Variants in FHIT observed in about 807,000 individuals in gnomAD.
FHIT encodes the protein fragile histidine triad diadenosine triphosphatase.
A neutral mutation model predicts 17.9 loss-of-function variants in FHIT; 19 were observed. The ratio of observed to expected loss-of-function variants is 1.06; its 90% CI spans 0.74 to 1.56. The LOEUF (loss-of-function observed/expected upper bound fraction) is 1.56, where lower values mean the gene tolerates loss of function less well. Ranked by LOEUF, FHIT falls within the 40% of genes most tolerant of loss-of-function variation. FHIT has a pLI of 0.00. For synonymous variants in FHIT, 81 were observed against 69.7 expected, an observed-to-expected ratio of 1.16 and a Z score of -0.81; for missense variants, 248 against 189.2, an observed-to-expected ratio of 1.31 and a Z score of -1.82.
intron 4 of FHIT, among the ~76,000 whole-genome samples, chr3:60,744,934 A>T (rs186305068): frequency 6.6e-6 from 1 of 152,168 alleles, no homozygotes; most frequent in East Asian, 1.9e-4. Context: ...GAGTCAAAAC[A>T]ACCATAGTCC....
chr3:60,203,975 G>A (rs539262635), intron 5 of FHIT, among the ~76,000 whole-genome samples: 1 of 152,164 alleles, frequency 6.6e-6, no homozygotes, highest in South Asian at 2.1e-4. Flanking sequence ...AATAGTTAGT[G>A]AGTATAAAAA....
intron 2 of FHIT, among the ~76,000 whole-genome samples, chr3:61,117,182 G>A (rs927537894): frequency 5.3e-5 from 8 of 152,178 alleles, no homozygotes; most frequent in Admixed American, 1.3e-4. Context: ...AGAGTAAACT[G>A]TGCAATGACT....
rs539656677 is a variant in FHIT, at chr3:60,040,534, A to C, written c.104-26382T>G. 2.0e-5 allele frequency among the ~76,000 whole-genome samples: 3 copies of C among 152,232 alleles called. No homozygotes were observed. The East Asian group carries it at 5.8e-4, about 29-fold the overall frequency. ...CAGAGCCATAATACATTCATTTGTG[A>C]ATCTCCCCTGTCCTCCTCACACTTA... is the stretch of plus-strand genomic sequence containing the variant. On this transcript the variant is annotated intron_variant, in intron 5 of 9. Transcript: ENST00000492590.
At chr3:60,894,653 G>T (rs1171482518) in intron 3 of FHIT, among the ~76,000 whole-genome samples, 1 of 150,270 alleles carries the variant, frequency 6.7e-6, no homozygotes, top group Non-Finnish European at 1.5e-5. Context: ...AAAATTCAAA[G>T]AGCTTTTAGT....
At chr3:60,057,192 A>T (rs1273626395) in intron 5 of FHIT, among the ~76,000 whole-genome samples, 1 of 152,180 alleles carries the variant, frequency 6.6e-6, no homozygotes, top group Non-Finnish European at 1.5e-5. Flanking sequence ...ATTTCATATA[A>T]ACCTTACCAC....
intron 3 of FHIT, among the ~76,000 whole-genome samples, chr3:60,920,463 G>A (rs890857735): frequency 4.2e-4 from 64 of 152,254 alleles, no homozygotes; most frequent in African/African-American, 1.4e-3. Flanking sequence ...GGTAGAGGCA[G>A]GTGGGGTTAT....
At chr3:60,316,467 G>A (rs1709170685) in intron 5 of FHIT, among the ~76,000 whole-genome samples, 1 of 152,118 alleles carries the variant, frequency 6.6e-6, no homozygotes, top group Non-Finnish European at 1.5e-5. Context: ...TAGGACAAGT[G>A]AGTAAGCAAA....
At chr3:60,476,839 C>T (rs1234498287) in intron 5 of FHIT, among the ~76,000 whole-genome samples, 6 of 130,474 alleles carry the variant, frequency 4.6e-5, no homozygotes, top group Non-Finnish European at 6.5e-5. Context: ...CCTGGACACC[C>T]GGGGAAGGAT....
chr3:60,851,361 C>T (rs190287488), intron 3 of FHIT, among the ~76,000 whole-genome samples: 3 of 152,142 alleles, frequency 2.0e-5, no homozygotes, highest in East Asian at 3.9e-4. Flanking sequence ...ATTTACTAGG[C>T]ATATATTTTT....
chr3:60,938,791 T>A (rs570325179), intron 3 of FHIT, among the ~76,000 whole-genome samples: 1 of 152,168 alleles, frequency 6.6e-6, no homozygotes, highest in East Asian at 1.9e-4. Context: ...TCCCGTCCCC[T>A]CCAAAGAGAG....
At position 60,705,758 on chromosome 3, in the gene FHIT, A is replaced by G. The variant is rs552880798; in HGVS notation, c.-18+116161T>C. ...TTACTGAACGGAGTCTAAACATTCT[A>G]CAGCTCAGTTAAGAAGCTACACATG... On this transcript the variant is annotated intron_variant, in intron 4 of 9. Coordinates refer to ENST00000492590, the MANE Select transcript of FHIT (RefSeq NM_002012.4). 2.3e-4 allele frequency among the ~76,000 whole-genome samples: 35 copies of G among 152,314 alleles called. No homozygotes were observed. In the South Asian group the frequency reaches 6.2e-3, roughly 27 times the overall value.
intron 2 of FHIT, among the ~76,000 whole-genome samples, chr3:61,045,634 T>G (rs570257870): frequency 6.6e-6 from 1 of 152,188 alleles, no homozygotes; most frequent in South Asian, 2.1e-4. Context: ...CTGAACCAAG[T>G]GGACCTAATA....
intron 5 of FHIT, among the ~76,000 whole-genome samples, chr3:60,024,823 G>C (rs1404979038): frequency 6.6e-6 from 1 of 152,202 alleles, no homozygotes; most frequent in African/African-American, 2.4e-5. Context: ...TCAGCAGTCT[G>C]TATTTATTCG....
chr3:60,251,660 T>C (rs189988582), intron 5 of FHIT, among the ~76,000 whole-genome samples: 39 of 152,318 alleles, frequency 2.6e-4, no homozygotes, highest in Admixed American at 2.5e-3. Context: ...AAAACCATCC[T>C]TGACCCAGTA....
chr3:60,341,517 T>C (rs1710514702), intron 5 of FHIT, among the ~76,000 whole-genome samples: 1 of 152,182 alleles, frequency 6.6e-6, no homozygotes, highest in Non-Finnish European at 1.5e-5. Context: ...GAAAATCTTT[T>C]TACTGCGTTC....
intron 5 of FHIT, among the ~76,000 whole-genome samples, chr3:60,300,607 C>T (rs546082215): frequency 6.6e-6 from 1 of 152,174 alleles, no homozygotes; most frequent in African/African-American, 2.4e-5. Context: ...TGGGATGGTG[C>T]TTTGTCAATT....
At chr3:60,268,188 T>G (rs1706682671) in intron 5 of FHIT, among the ~76,000 whole-genome samples, 1 of 152,224 alleles carries the variant, frequency 6.6e-6, no homozygotes, top group African/African-American at 2.4e-5. Flanking sequence ...AAAAGCAGTC[T>G]GAACTTTTGA....
At chr3:59,968,327 C>G (rs1035859363) in intron 7 of FHIT, among the ~76,000 whole-genome samples, 1 of 151,808 alleles carries the variant, frequency 6.6e-6, no homozygotes, top group Admixed American at 6.6e-5. Context: ...AAGTAAAGGC[C>G]TGGCCAGAAA....
intron 1 of FHIT, among the ~76,000 whole-genome samples, chr3:61,223,954 T>A (rs544597229): frequency 6.6e-6 from 1 of 152,282 alleles, no homozygotes; most frequent in Admixed American, 6.5e-5. Flanking sequence ...AGAGCAGATC[T>A]CCCAGCAAGA....
Sources: gnomAD v4.1 joint callset for allele counts (sites outside exome capture counted in the v4.1 genomes callset) on GRCh38, gnomAD v4.1.1 for gene constraint, MANE v1.5 for transcripts, NCBI Gene and HGNC (gene_info 2026-07-23, HGNC 2026-07-21) for gene names.